Variants in TTC39B observed in about 807,000 individuals in gnomAD.
TTC39B encodes the protein tetratricopeptide repeat protein 39B.
A neutral mutation model predicts 96.6 loss-of-function variants in TTC39B; 92 were observed. That is an observed-to-expected ratio of 0.95 (90% CI 0.80 to 1.13). The LOEUF (loss-of-function observed/expected upper bound fraction) is 1.13. Ranked by LOEUF, TTC39B falls within the 50% of genes most tolerant of loss-of-function variation. TTC39B has a pLI of 0.00. For synonymous variants in TTC39B, 367 were observed against 299.4 expected, an observed-to-expected ratio of 1.23 and a Z score of -2.33; for missense variants, 955 against 809.3, an observed-to-expected ratio of 1.18 and a Z score of -2.18.
intron 1 of TTC39B, among the ~76,000 whole-genome samples, chr9:15,276,202 T>C (rs1823536172): frequency 6.6e-6 from 1 of 152,038 alleles, no homozygotes; most frequent in Admixed American, 6.6e-5. Flanking sequence ...AAGAAAGGAG[T>C]GGGTTAATTG....
chr9:15,209,162 C>CA (rs1820043397), intron 6 of TTC39B, among the ~76,000 whole-genome samples: 1 of 150,078 alleles, frequency 6.7e-6, no homozygotes, highest in Non-Finnish European at 1.5e-5. Flanking sequence ...ATTTGAAGGA[C>CA]TTTTTTTTTT....
chr9:15,166,434 T>G (rs1817518443), exon 20 of TTC39B: 1 of 152,250 alleles, frequency 6.6e-6, no homozygotes, highest in African/African-American at 2.4e-5. Flanking sequence ...TGCTCAGCCA[T>G]CTCAGTCCAC....
intron 1 of TTC39B, among the ~76,000 whole-genome samples, chr9:15,294,934 ATTGAG>A (rs932135253): frequency 1.4e-4 from 21 of 152,314 alleles, no homozygotes; most frequent in African/African-American, 4.8e-4. Flanking sequence ...GAATAGATAG[ATTGAG>A]TTAACTTATC....
chr9:15,268,928 T>C (rs1056363335), intron 1 of TTC39B, among the ~76,000 whole-genome samples: 4 of 152,186 alleles, frequency 2.6e-5, no homozygotes, highest in Non-Finnish European at 5.9e-5. Context: ...TCATTCTCCC[T>C]ATCTACAGAG....
At chr9:15,302,940 C>T (rs1231852005) in intron 1 of TTC39B, among the ~76,000 whole-genome samples, 12 of 151,960 alleles carry the variant, frequency 7.9e-5, no homozygotes, top group African/African-American at 2.9e-4. Context: ...GAGGCTGAGG[C>T]GGCCGGATCA....
chr9:15,261,919 C>T (rs1822961668), intron 2 of TTC39B, among the ~76,000 whole-genome samples: 1 of 152,126 alleles, frequency 6.6e-6, no homozygotes, highest in Non-Finnish European at 1.5e-5. Context: ...ACTAGAAGTG[C>T]AAACCAGCAT....
intron 7 of TTC39B, among the ~76,000 whole-genome samples, chr9:15,200,294 T>A (rs1474857510): frequency 6.6e-6 from 1 of 152,236 alleles, no homozygotes; most frequent in African/African-American, 2.4e-5. Flanking sequence ...ACTTTAACAA[T>A]CTGCTCTAAG....
chr9:15,270,906 G>A (rs1823326303), intron 1 of TTC39B, among the ~76,000 whole-genome samples: 1 of 152,146 alleles, frequency 6.6e-6, no homozygotes, highest in African/African-American at 2.4e-5. Flanking sequence ...AAGGTGAAGA[G>A]AAGAACTAAG....
intron 19 of TTC39B, 137 bp downstream of exon 19, chr9:15,174,880 ACC>A: frequency 1.5e-6 from 1 of 673,946 alleles, no homozygotes; most frequent in Non-Finnish European, 2.6e-6. Flanking sequence ...GCATAAATCA[ACC>A]AGAAGTTAGC....
intron 4 of TTC39B, among the ~76,000 whole-genome samples, chr9:15,212,139 G>A (rs1173652501): frequency 1.3e-5 from 2 of 152,104 alleles, no homozygotes; most frequent in Non-Finnish European, 2.9e-5. Context: ...GTAATGCATG[G>A]TTTTGTTTTT....
chr9:15,171,811 G>C (rs1234460456), exon 20 of TTC39B: 1 of 321,148 alleles, frequency 3.1e-6, no homozygotes, highest in Middle Eastern at 8.3e-4. Context: ...CAAAATATAA[G>C]AATTTTCTAG....
intron 2 of TTC39B, among the ~76,000 whole-genome samples, chr9:15,257,342 T>G (rs1443158792): frequency 1.3e-5 from 2 of 152,184 alleles, no homozygotes; most frequent in Non-Finnish European, 2.9e-5. Context: ...AGGATATGGA[T>G]GAAATAAGAT....
chr9:15,208,286 G>A (rs1053660009), intron 6 of TTC39B, among the ~76,000 whole-genome samples: 1 of 151,890 alleles, frequency 6.6e-6, no homozygotes, highest in Admixed American at 6.6e-5. Context: ...GCCTCCCAAA[G>A]TGCTGGGATT....
chr9:15,167,471 G>A (rs1326023600), exon 20 of TTC39B: 1 of 152,074 alleles, frequency 6.6e-6, no homozygotes, highest in African/African-American at 2.4e-5. Flanking sequence ...GAAAATATTG[G>A]GCCAGGCATG....
intron 2 of TTC39B, among the ~76,000 whole-genome samples, chr9:15,227,931 A>G (rs1385797500): frequency 3.3e-5 from 5 of 152,204 alleles, no homozygotes; most frequent in Admixed American, 3.3e-4. Flanking sequence ...TACAAAGATT[A>G]TATAACATAG....
chr9:15,257,033 C>T (rs1429055291), intron 2 of TTC39B, among the ~76,000 whole-genome samples: 2 of 152,104 alleles, frequency 1.3e-5, no homozygotes, highest in African/African-American at 4.8e-5. Flanking sequence ...ATAAATGAGA[C>T]AGTCGGAGAA....
rs1298875395 is a variant in TTC39B at position 15,189,842 on chromosome 9, T to G, written c.1106-50A>C. ...CAGTCTTCATAAGACATGGGGATAT[T>G]TATAACCAGCTCTCCAAATTTCATT... is the stretch of plus-strand genomic sequence containing the variant. On this transcript the variant is annotated intron_variant, in intron 11 of 19. Transcript: ENST00000512701. 3.1e-6 allele frequency: 4 copies of G among 1,305,252 alleles called. No individual in the cohort carries two copies. The Admixed American group carries it at 7.7e-5, about 25-fold the overall frequency. 80.9% of individuals were successfully genotyped at this position (1,305,252 alleles called of 1,614,324 possible). A position where few individuals can be genotyped will look rare whatever the true frequency, so the allele number is the denominator to read the frequency against.
chr9:15,280,024 T>C (rs1823699880), intron 1 of TTC39B, among the ~76,000 whole-genome samples: 2 of 151,536 alleles, frequency 1.3e-5, no homozygotes, highest in South Asian at 2.1e-4. Flanking sequence ...GCCTCCCAAG[T>C]AGCTGGGACT....
chr9:15,180,484 C>T (rs1041271604), intron 17 of TTC39B, among the ~76,000 whole-genome samples: 1 of 152,210 alleles, frequency 6.6e-6, no homozygotes, highest in Non-Finnish European at 1.5e-5. Context: ...CAATGGCCAG[C>T]ATTTAATAAC....
Sources: gnomAD v4.1 joint callset for allele counts (sites outside exome capture counted in the v4.1 genomes callset) on GRCh38, gnomAD v4.1.1 for gene constraint, MANE v1.5 for transcripts, NCBI Gene and HGNC (gene_info 2026-07-23, HGNC 2026-07-21) for gene names.